The following PHF12 variants were observed in gnomAD, a reference collection of about 807,000 sequenced individuals.
PHF12 encodes PHD factor 1.
Under a neutral mutation model 99.8 loss-of-function variants are expected in PHF12, and 6 were observed. That is an observed-to-expected ratio of 0.06 (90% CI 0.03 to 0.12). The LOEUF is 0.12. Among genes scored for constraint, PHF12 ranks in the 10% least tolerant of loss-of-function variants. The probability of loss-of-function intolerance (pLI) is 1.00; values close to 1 mark genes in which losing one functional copy is unlikely to be tolerated. For synonymous variants in PHF12, 480 were observed against 514.9 expected (o/e 0.93, Z 0.92); for missense variants, 954 against 1,300.1 (o/e 0.73, Z 4.09).
chr17:28,907,841 G>A (rs1020527331), intron 12 of PHF12, 169 bp from the exon 13 acceptor site: 1 of 538,564 alleles, frequency 1.9e-6, no homozygotes, highest in Non-Finnish European at 3.4e-6. Flanking sequence ...AAAAACTGTT[G>A]TCTTTTCCAA....
intron 2 of PHF12, among the ~76,000 whole-genome samples, chr17:28,941,394 G>C (rs991536686): frequency 1.6e-4 from 25 of 152,154 alleles, no homozygotes; most frequent in African/African-American, 5.3e-4. Context: ...GATCAAAGCA[G>C]ATGGTTTCTT....
chr17:28,906,803 C>G lies in PHF12; in HGVS notation c.2680+53G>C. The G allele has an allele frequency of 6.5e-7, 1 of 1,549,184 alleles. No individual in the cohort carries two copies. Among genetic ancestry groups the G allele is most frequent in the Non-Finnish European group, 8.7e-7 (1 of 1,144,570 alleles). ...ACAGACCATGGGCAGCAAGTCAGAA[C>G]CACCCTGACTGGGGCCTCAGCTTTG... On this transcript the variant is annotated intron_variant, in intron 14 of 14. Transcript: ENST00000332830. The surrounding 1 kb of genome is among the most constrained non-coding windows in gnomAD (Gnocchi z 4.2).
chr17:28,913,300 G>C lies in PHF12; in HGVS notation c.1294-23C>G, dbSNP rs757264278. ...CCACTGCAATGGAAGGAGAGGAGAG[G>C]GGGGTGAGAAGCCTGAGAGGCGCCG... is the stretch of plus-strand genomic sequence containing the variant. On this transcript the variant is annotated intron_variant, in intron 8 of 14. Transcript: ENST00000332830. The C allele has an allele frequency of 1.5e-5, 24 of 1,580,872 alleles. No individual in the cohort carries two copies. The East Asian group carries it at 2.2e-4, about 15-fold the overall frequency.
In PHF12 at chr17:28,951,322, G is replaced by A. The variant is rs1474262424; in HGVS notation, c.-362C>T. 19 of 1,075,040 alleles carry A rather than the reference G, an allele frequency of 1.8e-5. No individual in the cohort carries two copies. In the Admixed American group the frequency reaches 9.5e-4, roughly 54 times the overall value. 66.6% of individuals were successfully genotyped at this position (1,075,040 alleles called of 1,614,324 possible). A position where few individuals can be genotyped will look rare whatever the true frequency, so the allele number is the denominator to read the frequency against. On this transcript the variant is annotated 5_prime_UTR_variant, in exon 1 of 15. Transcript: ENST00000332830. ...GGGCGCTGCCATCCCGGGGCTGGGG[G>A]TATCGGAGGGGGGGTGAGAGGTTAC...
intron 10 of PHF12, 145 bp downstream of exon 10, chr17:28,910,967 A>C: frequency 6.1e-5 from 58 of 950,678 alleles, no homozygotes; most frequent in Middle Eastern, 3.3e-4. Context: ...CCCCCCATCC[A>C]AAAGGATACT....
Position 28,950,241 on chromosome 17 carries a change from G to C in PHF12, c.72C>G (p.Ile24Met). The change falls in exon 2 of 15, where the codon ATC (isoleucine) becomes ATG (methionine). Residue 24 changes from isoleucine to methionine, a missense_variant. Coordinates refer to ENST00000332830, the MANE Select transcript of PHF12 (RefSeq NM_001033561.2). The surrounding 1 kb of genome is among the most constrained non-coding windows in gnomAD (Gnocchi z 5.7). ...TCTTGGGGGGAGCCAGCAGAGCTTG[G>C]ATTTGCTGCACACACATACAAACGG... Reference protein sequence around the residue: ...LDTSGGLMEQIQALLAPPKTD... With the variant: ...LDTSGGLMEQMQALLAPPKTD... The C allele has an allele frequency of 6.2e-7, 1 of 1,608,334 alleles. No homozygotes were observed. The highest frequency in any genetic ancestry group is 8.5e-7 in the Non-Finnish European group (1 of 1,179,688).
At chr17:28,915,202 A>G (rs1037874071) in intron 7 of PHF12, among the ~76,000 whole-genome samples, 2 of 152,156 alleles carry the variant, frequency 1.3e-5, no homozygotes, top group African/African-American at 4.8e-5. Context: ...AGGGAGGGGG[A>G]GAAGCATGTA....
Position 28,951,261 on chromosome 17 carries a change from G to A in PHF12, c.-301C>T. The A allele has an allele frequency of 1.6e-6, 2 of 1,215,882 alleles. No homozygotes were observed. The highest frequency in any genetic ancestry group is 1.0e-6 in the Non-Finnish European group (1 of 971,680). The allele number at this position is 1,215,882 out of a possible 1,614,324, so 75.3% of individuals were successfully genotyped here. A position where few individuals can be genotyped will look rare whatever the true frequency, so the allele number is the denominator to read the frequency against. On this transcript the variant is annotated 5_prime_UTR_variant, in exon 1 of 15. Coordinates refer to ENST00000332830, the MANE Select transcript of PHF12 (RefSeq NM_001033561.2). ...GGCCTAGTCCCACAGGCTAAAGCCGGCACTGGCGACAGCCGGTCCGGCCGG... is the reference window on the plus strand; with the variant it reads ...GGCCTAGTCCCACAGGCTAAAGCCGACACTGGCGACAGCCGGTCCGGCCGG...
chr17:28,911,629 C>T (rs562257133), intron 9 of PHF12, among the ~76,000 whole-genome samples: 3 of 152,238 alleles, frequency 2.0e-5, no homozygotes, highest in East Asian at 1.9e-4. Context: ...TGGTTTTAAG[C>T]GATAAACAGA....
In PHF12 at chr17:28,951,058, G is replaced by T. The variant is rs952436932; in HGVS notation, c.-98C>A. On this transcript the variant is annotated 5_prime_UTR_variant, in exon 1 of 15. Transcript: ENST00000332830. Reference sequence around the variant, plus strand: ...AGGGGGCGCTCCTGACCCCGGCCCCGCTTTTTTCCCAATACGGGTCCCGAC... The same window carrying T: ...AGGGGGCGCTCCTGACCCCGGCCCCTCTTTTTTCCCAATACGGGTCCCGAC... The T allele has an allele frequency of 1.3e-6, 2 of 1,579,822 alleles. No individual in the cohort carries two copies. Among genetic ancestry groups the T allele is most frequent in the South Asian group, 2.3e-5 (2 of 87,488 alleles).
At chr17:28,910,631 A>G (rs1299104730) in intron 10 of PHF12, 1 of 530,224 alleles carries the variant, frequency 1.9e-6, no homozygotes, top group Non-Finnish European at 3.4e-6. Context: ...GCCCCTAGAA[A>G]GGCAGAGTGG....
At chr17:28,940,853 G>C (rs757013696) in intron 2 of PHF12, among the ~76,000 whole-genome samples, 1 of 152,110 alleles carries the variant, frequency 6.6e-6, no homozygotes, top group South Asian at 2.1e-4. Flanking sequence ...TGAATACAAT[G>C]TCCTCCTCTT....
intron 2 of PHF12, among the ~76,000 whole-genome samples, chr17:28,947,524 G>A (rs1036564374): frequency 4.6e-5 from 7 of 151,888 alleles, no homozygotes; most frequent in Non-Finnish European, 1.0e-4. Context: ...GTTGCAATAA[G>A]CCGAGATTGC....
chr17:28,906,737 GAGGAAGT>G lies in PHF12; in HGVS notation c.2680+112_2680+118del. ...TCTCTGTGGCCTGCCCTGGGCCCAC[GAGGAAGT>G]AGAGCTTGGCCAATAGGACTGGGAA... is the stretch of plus-strand genomic sequence containing the variant. On this transcript the variant is annotated intron_variant, in intron 14 of 14. Coordinates refer to ENST00000332830, the MANE Select transcript of PHF12 (RefSeq NM_001033561.2). This position sits in a 1 kb window ranked among gnomAD's most constrained non-coding sequence, Gnocchi z 4.2. 7.0e-7 allele frequency: 1 copy of G among 1,432,568 alleles called. No homozygotes were observed. The highest frequency in any genetic ancestry group is 9.4e-7 in the Non-Finnish European group (1 of 1,061,996). The allele number at this position is 1,432,568 out of a possible 1,614,324, so 88.7% of individuals were successfully genotyped here. A position where few individuals can be genotyped will look rare whatever the true frequency, so the allele number is the denominator to read the frequency against.
intron 2 of PHF12, among the ~76,000 whole-genome samples, chr17:28,936,314 G>T (rs549783829): frequency 6.6e-6 from 1 of 152,326 alleles, no homozygotes; most frequent in African/African-American, 2.4e-5. Flanking sequence ...AATTGGAGGG[G>T]AGAGCGGGGG....
At chr17:28,940,910 T>C (rs897486972) in intron 2 of PHF12, among the ~76,000 whole-genome samples, 1 of 152,168 alleles carries the variant, frequency 6.6e-6, no homozygotes, top group African/African-American at 2.4e-5. Flanking sequence ...CTGTATTCTC[T>C]TGGGAGGCAC....
chr17:28,910,960 C>G (rs183163587), intron 10 of PHF12, 152 bp downstream of exon 10: 2 of 1,095,508 alleles, frequency 1.8e-6, no homozygotes, highest in African/African-American at 1.6e-5. Flanking sequence ...ACCCCGCCCC[C>G]CCATCCAAAA....
chr17:28,950,871 G>A lies in PHF12; in HGVS notation c.66+24C>T. The A allele has an allele frequency of 6.2e-7, 1 of 1,611,784 alleles. No individual in the cohort carries two copies. The highest frequency in any genetic ancestry group is 8.5e-7 in the Non-Finnish European group (1 of 1,178,650). ...AGGTTCCCTCCCGGCGCTGGAGGAAGGAGATGAGGAGGGCCACTCTTACCT... is the reference window on the plus strand; with the variant it reads ...AGGTTCCCTCCCGGCGCTGGAGGAAAGAGATGAGGAGGGCCACTCTTACCT... On this transcript the variant is annotated intron_variant, in intron 1 of 14. Coordinates refer to ENST00000332830, the MANE Select transcript of PHF12 (RefSeq NM_001033561.2). The surrounding 1 kb of genome is among the most constrained non-coding windows in gnomAD (Gnocchi z 5.7).
rs553448823 is a variant in PHF12, at chr17:28,911,269, G to A, written c.2090-32C>T. 4.0e-5 allele frequency: 65 copies of A among 1,612,450 alleles called. No homozygotes were observed. The South Asian group carries it at 5.3e-4, about 13-fold the overall frequency. On this transcript the variant is annotated intron_variant, in intron 9 of 14. Transcript: ENST00000332830. ...ACGGAGCAGGAAGACTGTTACTTACGTCGCCTGAGGGAAACCCACCGTCCA... is the reference window on the plus strand; with the variant it reads ...ACGGAGCAGGAAGACTGTTACTTACATCGCCTGAGGGAAACCCACCGTCCA...
Sources: gnomAD v4.1 joint callset for allele counts (sites outside exome capture counted in the v4.1 genomes callset) on GRCh38, gnomAD v4.1.1 for gene constraint, Gnocchi (gnomAD v3.1) non-coding constraint, MANE v1.5 for transcripts, NCBI Gene and HGNC (gene_info 2026-07-23, HGNC 2026-07-21) for gene names.